Variants in KATNAL2 observed in about 807,000 individuals in gnomAD.
KATNAL2 encodes katanin catalytic subunit A1 like 2.
In KATNAL2, 52 loss-of-function variants were observed where a neutral mutation model predicts 76.3. The observed-to-expected ratio is 0.68, with a 90% CI of 0.55 to 0.86. The LOEUF is 0.86. Among genes scored for constraint, KATNAL2 ranks in the 40% least tolerant of loss-of-function variants. The probability of loss-of-function intolerance (pLI) is 0.00; values close to 1 mark genes in which losing one functional copy is unlikely to be tolerated. For synonymous variants in KATNAL2, 243 were observed against 244.2 expected (o/e 1.00, Z 0.05); for missense variants, 660 against 668.9 (o/e 0.99, Z 0.15).
At chr18:47,091,458 G>A (rs1208273615) in intron 15 of KATNAL2, among the ~76,000 whole-genome samples, 1 of 152,180 alleles carries the variant, frequency 6.6e-6, no homozygotes, top group Admixed American at 6.5e-5. Flanking sequence ...AAAGTGCAGG[G>A]ACTAAGGGGA....
At chr18:47,044,622 G>C (rs550965248) in intron 3 of KATNAL2, among the ~76,000 whole-genome samples, 2 of 152,072 alleles carry the variant, frequency 1.3e-5, no homozygotes, top group African/African-American at 4.8e-5. Flanking sequence ...TTAGCCGGGT[G>C]TGGTAGCGGG....
At position 47,035,046 on chromosome 18, in the gene KATNAL2, C is replaced by G; in HGVS notation, c.52-11411C>G. 6.2e-7 allele frequency: 1 copy of G among 1,611,858 alleles called. No individual in the cohort carries two copies. The highest frequency in any genetic ancestry group is 1.7e-5 in the Admixed American group (1 of 60,008). On this transcript the variant is annotated intron_variant, in intron 3 of 17. Transcript: ENST00000683218. ...TTCGGTCCACGAGCACCAGCTTCTT[C>G]CACCGGGCCGCTAAGTCTCTGGCAA...
intron 3 of KATNAL2, chr18:47,033,664 G>A (rs767809072): frequency 4.3e-6 from 7 of 1,614,060 alleles, no homozygotes; most frequent in Middle Eastern, 1.6e-4. Flanking sequence ...AAGCACCTGG[G>A]CACACTGCTG....
chr18:47,032,858 C>CACATG, intron 3 of KATNAL2: 1 of 1,505,700 alleles, frequency 6.6e-7, no homozygotes. Context: ...ACAGGGCCAG[C>CACATG]ACATGACACC....
chr18:46,920,572 T>C (rs1280707003), intron 1 of KATNAL2, among the ~76,000 whole-genome samples: 2 of 152,202 alleles, frequency 1.3e-5, no homozygotes, highest in Non-Finnish European at 2.9e-5. Context: ...TTAGTTGCAA[T>C]AGAAAGAATT....
intron 3 of KATNAL2, among the ~76,000 whole-genome samples, chr18:47,038,288 C>T (rs1326224029): frequency 6.6e-6 from 1 of 152,142 alleles, no homozygotes; most frequent in East Asian, 1.9e-4. Context: ...TCCTGATTAA[C>T]TGTGTTAATT....
At chr18:47,075,046 A>C (rs1368262877) in intron 13 of KATNAL2, among the ~76,000 whole-genome samples, 1 of 152,192 alleles carries the variant, frequency 6.6e-6, no homozygotes, top group Non-Finnish European at 1.5e-5. Flanking sequence ...TGGAGTAACC[A>C]CCTACTCTCT....
intron 1 of KATNAL2, among the ~76,000 whole-genome samples, chr18:46,929,592 C>T (rs969284078): frequency 3.3e-5 from 5 of 152,054 alleles, no homozygotes; most frequent in African/African-American, 1.2e-4. Context: ...TATGAATAGA[C>T]CCCAACTTAT....
intron 6 of KATNAL2, among the ~76,000 whole-genome samples, chr18:47,054,926 G>A (rs752811641): frequency 2.0e-5 from 3 of 152,334 alleles, no homozygotes; most frequent in East Asian, 3.9e-4. Context: ...TTCTGGCTTC[G>A]CCAGTCCTGA....
At chr18:46,953,989 T>C (rs950454722) in intron 3 of KATNAL2, among the ~76,000 whole-genome samples, 2 of 152,096 alleles carry the variant, frequency 1.3e-5, no homozygotes, top group African/African-American at 4.8e-5. Context: ...CCAGCAGTGT[T>C]GGAGAGAACA....
rs1319765780 is a variant in KATNAL2 at position 47,066,847 on chromosome 18, T to TTTATA, written c.727-173_727-172insTATAT. 2.0e-3 allele frequency among the ~76,000 whole-genome samples: 59 copies of TTTATA among 29,564 alleles called. 1 individual carries two copies. Among genetic ancestry groups the TTTATA allele is most frequent in the Admixed American group, 2.3e-3 (5 of 2,142 alleles). 19.4% of individuals were successfully genotyped at this position (29,564 alleles called of 152,430 possible). On this transcript the variant is annotated intron_variant, in intron 10 of 17. Coordinates refer to ENST00000683218, the MANE Select transcript of KATNAL2 (RefSeq NM_001387690.1). Reference sequence around the variant, plus strand: ...CCAAAATTACAATGTATATATGTGTTTATATATATATATATATATATATAT... The same window carrying TTTATA: ...CCAAAATTACAATGTATATATGTGTTTTATATATATATATATATATATATATATAT...
intron 6 of KATNAL2, 48 bp downstream of exon 6, chr18:47,054,486 G>A: frequency 6.4e-7 from 1 of 1,555,052 alleles, no homozygotes; most frequent in Non-Finnish European, 8.9e-7. Flanking sequence ...CGAGGAGCTT[G>A]TGGAATCCCT....
chr18:46,952,393 G>GTTTTTTTTT (rs35596537), intron 3 of KATNAL2, among the ~76,000 whole-genome samples: 5 of 64,408 alleles, frequency 7.8e-5, no homozygotes, highest in Non-Finnish European at 8.0e-5. Flanking sequence ...CTGCAGGTAT[G>GTTTTTTTTT]TTTTTTTTTT....
chr18:47,071,248 C>T (rs936999248), intron 13 of KATNAL2, among the ~76,000 whole-genome samples: 1 of 152,150 alleles, frequency 6.6e-6, no homozygotes, highest in Non-Finnish European at 1.5e-5. Flanking sequence ...AATCCTCCCG[C>T]CTCGGGCTCC....
chr18:46,951,492 C>T (rs563344282), intron 3 of KATNAL2, among the ~76,000 whole-genome samples: 2 of 150,038 alleles, frequency 1.3e-5, no homozygotes, highest in Non-Finnish European at 3.0e-5. Flanking sequence ...GCTCTTTGGG[C>T]GTACTATACA....
chr18:46,947,320 T>G (rs1308620806), intron 3 of KATNAL2, among the ~76,000 whole-genome samples: 1 of 152,230 alleles, frequency 6.6e-6, no homozygotes, highest in African/African-American at 2.4e-5. Flanking sequence ...GAATATTGGC[T>G]TCTGATCCTG....
At chr18:47,067,403 G>T (rs1041639349) in intron 11 of KATNAL2, among the ~76,000 whole-genome samples, 1 of 152,080 alleles carries the variant, frequency 6.6e-6, no homozygotes, top group African/African-American at 2.4e-5. Context: ...ATTCAAATTA[G>T]CCTGCTCCCT....
rs749643060 is a variant in KATNAL2, at chr18:47,033,281, C to G, written c.52-13176C>G. 3.7e-6 allele frequency: 6 copies of G among 1,613,516 alleles called. No individual in the cohort carries two copies. In the South Asian group the frequency reaches 6.6e-5, roughly 18 times the overall value. On this transcript the variant is annotated intron_variant, in intron 3 of 17. Coordinates refer to ENST00000683218, the MANE Select transcript of KATNAL2 (RefSeq NM_001387690.1). ...CCATTTTCGGGGTCAGCGTCTCCTG[C>G]AGACTTCTCTTGCCTCCTTGAAGTA...
At chr18:47,066,086 C>T (rs1260825994) in intron 10 of KATNAL2, among the ~76,000 whole-genome samples, 1 of 151,696 alleles carries the variant, frequency 6.6e-6, no homozygotes, top group Non-Finnish European at 1.5e-5. Context: ...ACAAACATCT[C>T]ACCAGCATTT....
Sources: gnomAD v4.1 joint callset for allele counts (sites outside exome capture counted in the v4.1 genomes callset) on GRCh38, gnomAD v4.1.1 for gene constraint, MANE v1.5 for transcripts, NCBI Gene and HGNC (gene_info 2026-07-23, HGNC 2026-07-21) for gene names.